Variants in SORCS2 observed in about 807,000 individuals in gnomAD.
The protein encoded by SORCS2 is sortilin related VPS10 domain containing receptor 2.
Under a neutral mutation model 141.6 loss-of-function variants are expected in SORCS2, and 100 were observed. The ratio of observed to expected loss-of-function variants is 0.71; its 90% CI spans 0.60 to 0.83. SORCS2 has a LOEUF of 0.83. Ranked by LOEUF, SORCS2 falls within the 40% of genes least tolerant of loss-of-function variation. SORCS2 has a pLI of 0.00. For missense variants in SORCS2, 1,646 were observed against 1,560.2 expected (o/e 1.05, Z -0.93); for synonymous variants, 789 against 676.9 (o/e 1.17, Z -2.57).
intron 14 of SORCS2, among the ~76,000 whole-genome samples, chr4:7,709,702 C>A (rs556519043): frequency 6.6e-6 from 1 of 152,344 alleles, no homozygotes; most frequent in East Asian, 1.9e-4. Flanking sequence ...CCACTCTGTC[C>A]TTCCCGGATA....
chr4:7,192,775 G>C lies in SORCS2; in HGVS notation c.129G>C (p.Leu43=), dbSNP rs1726920742. The change falls in exon 1 of 27, where the codon CTG becomes CTC. Residue 43 remains leucine (L), a synonymous_variant. Coordinates refer to ENST00000507866, the MANE Select transcript of SORCS2 (RefSeq NM_020777.3). This position sits in a 1 kb window ranked among gnomAD's most constrained non-coding sequence, Gnocchi z 4.0. ...SRPLLLLLLL[L]GACGAAGRSP... ...CGCTCCTGCTGCTGCTGCTGCTGCT[G>C]GGCGCCTGCGGGGCGGCGGGGCGCT... 1 of 1,007,898 alleles carries C rather than the reference G, an allele frequency of 9.9e-7. No individual in the cohort carries two copies. Among genetic ancestry groups the C allele is most frequent in the Non-Finnish European group, 1.2e-6 (1 of 846,746 alleles). 62.4% of individuals were successfully genotyped at this position (1,007,898 alleles called of 1,614,324 possible). A position where few individuals can be genotyped will look rare whatever the true frequency, so the allele number is the denominator to read the frequency against.
At chr4:7,644,855 C>T (rs1720971310) in intron 4 of SORCS2, among the ~76,000 whole-genome samples, 1 of 152,262 alleles carries the variant, frequency 6.6e-6, no homozygotes, top group Non-Finnish European at 1.5e-5. Context: ...CCACAGGATG[C>T]ACCCATGCAG....
Position 7,263,001 on chromosome 4 carries a change from C to T in SORCS2, c.480+69875C>T, listed in dbSNP as rs181920333. Among the ~76,000 whole-genome samples the T allele has an allele frequency of 1.8e-4, 28 of 152,262 alleles. No individual in the cohort carries two copies. In the East Asian group the frequency reaches 5.2e-3, roughly 28 times the overall value. On this transcript the variant is annotated intron_variant, in intron 1 of 26. Transcript: ENST00000507866. ...GCCCAGTTTGGTCTCAGGGACTCATCCTAACAGTTTATATGCCTGCCTTCT... is the reference window on the plus strand; with the variant it reads ...GCCCAGTTTGGTCTCAGGGACTCATTCTAACAGTTTATATGCCTGCCTTCT...
At chr4:7,508,071 T>A (rs1038264613) in intron 2 of SORCS2, among the ~76,000 whole-genome samples, 2 of 152,082 alleles carry the variant, frequency 1.3e-5, no homozygotes, top group Non-Finnish European at 2.9e-5. Context: ...GTCGCGTGTC[T>A]GCGAGCCTGG....
intron 2 of SORCS2, among the ~76,000 whole-genome samples, chr4:7,526,032 C>T (rs146650546): frequency 6.6e-6 from 1 of 151,432 alleles, no homozygotes; most frequent in Non-Finnish European, 1.5e-5. Flanking sequence ...CCTGTCCCCT[C>T]CTCACACCTG....
chr4:7,547,801 G>A (rs555269087), intron 3 of SORCS2, among the ~76,000 whole-genome samples: 1 of 152,300 alleles, frequency 6.6e-6, no homozygotes, highest in South Asian at 2.1e-4. Flanking sequence ...TGCACCCCAG[G>A]GCAGGAACTC....
At chr4:7,523,144 C>G (rs1466709129) in intron 2 of SORCS2, among the ~76,000 whole-genome samples, 1 of 151,746 alleles carries the variant, frequency 6.6e-6, no homozygotes, top group Non-Finnish European at 1.5e-5. Context: ...TCCAGACAGG[C>G]TGAGTTCTCC....
Position 7,461,449 on chromosome 4 carries a change from G to A in SORCS2, c.548+65094G>A, listed in dbSNP as rs147366210. The stretch of plus-strand genomic sequence containing the variant: ...CCTCTGCATGGTGGCTGCACACTGC[G>A]TGTGATCAGTGGGGAAACCTGTAGC... On this transcript the variant is annotated intron_variant, in intron 2 of 26. Coordinates refer to ENST00000507866, the MANE Select transcript of SORCS2 (RefSeq NM_020777.3). 3.8e-4 allele frequency among the ~76,000 whole-genome samples: 58 copies of A among 152,354 alleles called. 1 individual carries two copies. The highest frequency in any genetic ancestry group is 1.2e-3 in the East Asian group (6 of 5,170).
intron 11 of SORCS2, among the ~76,000 whole-genome samples, chr4:7,692,433 T>C (rs1724315379): frequency 6.6e-6 from 1 of 152,176 alleles, no homozygotes; most frequent in South Asian, 2.1e-4. Context: ...CTCAGTTTCA[T>C]CTGCAAAATG....
At chr4:7,577,463 GGT>G (rs1715827674) in intron 3 of SORCS2, among the ~76,000 whole-genome samples, 1 of 151,952 alleles carries the variant, frequency 6.6e-6, no homozygotes, top group African/African-American at 2.4e-5. Flanking sequence ...CTAGTGCCAT[GGT>G]TTGGAGAAGT....
At chr4:7,471,429 G>A (rs1362582273) in intron 2 of SORCS2, among the ~76,000 whole-genome samples, 2 of 152,196 alleles carry the variant, frequency 1.3e-5, no homozygotes, top group Non-Finnish European at 2.9e-5. Flanking sequence ...ACAGACCTGC[G>A]GTGGCTGTCC....
chr4:7,383,559 C>T (rs1723118969), intron 1 of SORCS2, among the ~76,000 whole-genome samples: 1 of 152,162 alleles, frequency 6.6e-6, no homozygotes, highest in Non-Finnish European at 1.5e-5. Context: ...GCTTTAAAAA[C>T]AGGATCAGCA....
At chr4:7,231,127 A>T (rs1171913976) in intron 1 of SORCS2, among the ~76,000 whole-genome samples, 2 of 152,372 alleles carry the variant, frequency 1.3e-5, no homozygotes, top group South Asian at 2.1e-4. Flanking sequence ...GGAGGCTGGC[A>T]GGTCCAGAAT....
At chr4:7,456,223 C>T (rs577380657) in intron 2 of SORCS2, among the ~76,000 whole-genome samples, 1 of 152,314 alleles carries the variant, frequency 6.6e-6, no homozygotes, top group East Asian at 1.9e-4. Context: ...ATGACAGTCA[C>T]ATCAGGTATT....
intron 2 of SORCS2, among the ~76,000 whole-genome samples, chr4:7,472,721 T>G (rs969271472): frequency 6.6e-6 from 1 of 152,094 alleles, no homozygotes; most frequent in Non-Finnish European, 1.5e-5. Context: ...CCCCATCCCA[T>G]TAAGACGAGG....
chr4:7,676,304 C>A (rs1228390954), intron 9 of SORCS2, 75 bp downstream of exon 9: 4 of 1,436,878 alleles, frequency 2.8e-6, no homozygotes, highest in Non-Finnish European at 2.8e-6. Context: ...ACCTCTTCCT[C>A]CCCCCTCCCC....
Position 7,373,688 on chromosome 4 carries a change from C to T in SORCS2, c.481-22600C>T, listed in dbSNP as rs192675401. Among the ~76,000 whole-genome samples the T allele has an allele frequency of 8.0e-3, 1,213 of 151,138 alleles. 15 individuals carry two copies. Among genetic ancestry groups the T allele is most frequent in the African/African-American group, 0.028 (1,140 of 41,124 alleles). The stretch of plus-strand genomic sequence containing the variant: ...TGTATTTTTAGTAGAGATGGGGTTT[C>T]ACCATGTTGGCCAGGCTGGTCTCGA... On this transcript the variant is annotated intron_variant, in intron 1 of 26. Coordinates refer to ENST00000507866, the MANE Select transcript of SORCS2 (RefSeq NM_020777.3).
chr4:7,318,725 C>T (rs1167124905), intron 1 of SORCS2, among the ~76,000 whole-genome samples: 1 of 152,140 alleles, frequency 6.6e-6, no homozygotes, highest in Non-Finnish European at 1.5e-5. Context: ...TTTTTCCCTT[C>T]CAGGTTTATT....
At chr4:7,557,673 A>G (rs1475112088) in intron 3 of SORCS2, among the ~76,000 whole-genome samples, 1 of 152,180 alleles carries the variant, frequency 6.6e-6, no homozygotes, top group Non-Finnish European at 1.5e-5. Flanking sequence ...ATTCCTATGT[A>G]TGAGTCATTT....
Sources: gnomAD v4.1 joint callset for allele counts (sites outside exome capture counted in the v4.1 genomes callset) on GRCh38, gnomAD v4.1.1 for gene constraint, Gnocchi (gnomAD v3.1) non-coding constraint, MANE v1.5 for transcripts, NCBI Gene and HGNC (gene_info 2026-07-23, HGNC 2026-07-21) for gene names.